NAA35: variants seen among roughly 807,000 people sequenced by gnomAD.
The protein encoded by NAA35 is MAK10 homolog, amino-acid N-acetyltransferase subunit.
A neutral mutation model predicts 101.7 loss-of-function variants in NAA35; 18 were observed. That is an observed-to-expected ratio of 0.18 (90% confidence interval 0.12 to 0.26). The LOEUF (loss-of-function observed/expected upper bound fraction) is 0.26, where lower values mean the gene tolerates loss of function less well. Among genes scored for constraint, NAA35 ranks in the 10% least tolerant of loss-of-function variants. The pLI is 1.00. For synonymous variants in NAA35, 267 were observed against 273.1 expected (o/e 0.98, Z 0.22); for missense variants, 601 against 886.8 (o/e 0.68, Z 4.09).
intron 21 of NAA35, 60 bp from the exon 22 acceptor site, chr9:86,020,822 CAAAAAAG>C: frequency 7.5e-7 from 1 of 1,335,978 alleles, no homozygotes; most frequent in South Asian, 1.3e-5. Flanking sequence ...CAGCAGGTCT[CAAAAAAG>C]AAAAAGAGAA....
intron 2 of NAA35, among the ~76,000 whole-genome samples, chr9:85,954,197 C>T (rs1451498662): frequency 5.3e-5 from 8 of 152,146 alleles, no homozygotes; most frequent in African/African-American, 1.9e-4. Context: ...CCTCCCACCT[C>T]AGCCTCCCCA....
At chr9:85,979,302 T>C (rs986667519) in intron 11 of NAA35, among the ~76,000 whole-genome samples, 11 of 152,172 alleles carry the variant, frequency 7.2e-5, no homozygotes, top group African/African-American at 1.2e-4. Flanking sequence ...TTTGTCCCAA[T>C]TGGCTAGCAA....
chr9:86,019,077 A>G (rs1458321277), intron 21 of NAA35, among the ~76,000 whole-genome samples: 1 of 152,204 alleles, frequency 6.6e-6, no homozygotes, highest in Non-Finnish European at 1.5e-5. Context: ...ACAACTCAAA[A>G]TCATAAAGAA....
intron 2 of NAA35, among the ~76,000 whole-genome samples, chr9:85,953,936 G>A (rs1055484208): frequency 1.3e-5 from 2 of 152,064 alleles, no homozygotes; most frequent in African/African-American, 2.4e-5. Context: ...GTCAATGGGC[G>A]CTTGGGTTGT....
At chr9:85,959,229 A>C (rs1442898069) in intron 4 of NAA35, among the ~76,000 whole-genome samples, 1 of 152,022 alleles carries the variant, frequency 6.6e-6, no homozygotes, top group Non-Finnish European at 1.5e-5. Context: ...ACAAAAAATT[A>C]GCTGGGCGTG....
At chr9:85,957,063 G>A (rs1193593484) in intron 3 of NAA35, among the ~76,000 whole-genome samples, 2 of 152,146 alleles carry the variant, frequency 1.3e-5, no homozygotes, top group African/African-American at 4.8e-5. Flanking sequence ...GGATTGGGGT[G>A]CCGACCCACC....
At chr9:85,951,147 A>C (rs1297848874) in intron 2 of NAA35, among the ~76,000 whole-genome samples, 1 of 152,160 alleles carries the variant, frequency 6.6e-6, no homozygotes, top group Non-Finnish European at 1.5e-5. Flanking sequence ...CAAAAAAAAA[A>C]AAAAATGATA....
chr9:86,018,853 A>G (rs927246183), intron 21 of NAA35, 32 bp downstream of exon 21: 3 of 1,605,972 alleles, frequency 1.9e-6, no homozygotes, highest in African/African-American at 2.7e-5. Flanking sequence ...TTCTAGGGGA[A>G]AAGCGTGGCA....
chr9:85,962,490 CAAAAA>C (rs781302881), intron 6 of NAA35, among the ~76,000 whole-genome samples: 2 of 85,944 alleles, frequency 2.3e-5, no homozygotes, highest in Non-Finnish European at 4.2e-5. Context: ...GACTCTGTCT[CAAAAA>C]AAAAAAAAAA....
chr9:85,985,394 A>G (rs1830604780), intron 11 of NAA35, among the ~76,000 whole-genome samples: 1 of 152,242 alleles, frequency 6.6e-6, no homozygotes, highest in South Asian at 2.1e-4. Flanking sequence ...ATAAAATGGT[A>G]TATCCATGTA....
Position 85,958,456 on chromosome 9 carries a change from A to AT in NAA35, c.159-9dup. ...GGCTCAAAAACAATTTGTTGGCTCAATTTTTTTATTTGCAGATTTGGTCTT... is the reference window on the plus strand; with the variant it reads ...GGCTCAAAAACAATTTGTTGGCTCAATTTTTTTTATTTGCAGATTTGGTCTT... On this transcript the variant is annotated splice_polypyrimidine_tract_variant and intron_variant, in intron 3 of 22. Transcript: ENST00000361671. 6.4e-7 allele frequency: 1 copy of AT among 1,556,500 alleles called. No homozygotes were observed. The highest frequency in any genetic ancestry group is 8.8e-7 in the Non-Finnish European group (1 of 1,136,778).
chr9:85,980,261 T>C (rs757217051), intron 11 of NAA35, among the ~76,000 whole-genome samples: 1 of 152,138 alleles, frequency 6.6e-6, no homozygotes, highest in Non-Finnish European at 1.5e-5. Context: ...CCTGAATTTT[T>C]ACAGAAGTTT....
intron 17 of NAA35, among the ~76,000 whole-genome samples, chr9:86,014,974 C>T (rs770853330): frequency 5.3e-5 from 8 of 151,914 alleles, no homozygotes; most frequent in Non-Finnish European, 1.0e-4. Context: ...CCATGTTGCC[C>T]GGGTTGGTCC....
At chr9:85,964,379 G>A (rs1311392080) in intron 6 of NAA35, among the ~76,000 whole-genome samples, 1 of 152,106 alleles carries the variant, frequency 6.6e-6, no homozygotes, top group Non-Finnish European at 1.5e-5. Flanking sequence ...TGACACTTTA[G>A]TGTGTTTCTT....
At chr9:86,009,003 G>T (rs951538467) in intron 14 of NAA35, among the ~76,000 whole-genome samples, 1 of 152,046 alleles carries the variant, frequency 6.6e-6, no homozygotes, top group African/African-American at 2.4e-5. Context: ...GCATACTAGG[G>T]TCTTCTAGAG....
At chr9:85,951,614 T>C (rs1052027226) in intron 2 of NAA35, among the ~76,000 whole-genome samples, 2 of 152,218 alleles carry the variant, frequency 1.3e-5, no homozygotes, top group Admixed American at 1.3e-4. Context: ...TTGGAAAATA[T>C]TGTTTTCCAA....
At chr9:86,006,095 A>G (rs1026674221) in intron 13 of NAA35, among the ~76,000 whole-genome samples, 7 of 151,922 alleles carry the variant, frequency 4.6e-5, no homozygotes, top group Admixed American at 2.0e-4. Flanking sequence ...GCTTGAAGCT[A>G]GGAGGCAGAG....
chr9:85,950,636 C>T (rs1327159564), intron 2 of NAA35, among the ~76,000 whole-genome samples: 2 of 152,142 alleles, frequency 1.3e-5, no homozygotes, highest in African/African-American at 4.8e-5. Context: ...TGACTTGCTT[C>T]TAGATCTGTG....
At chr9:85,957,013 C>T (rs1829306583) in intron 3 of NAA35, among the ~76,000 whole-genome samples, 1 of 152,102 alleles carries the variant, frequency 6.6e-6, no homozygotes, top group Non-Finnish European at 1.5e-5. Flanking sequence ...TAAAACAAAC[C>T]ACCCTCTTGG....
Sources: allele counts gnomAD v4.1 joint callset (sites outside exome capture counted in the v4.1 genomes callset), GRCh38; gene constraint gnomAD v4.1.1; transcripts MANE v1.5; gene names NCBI Gene and HGNC (gene_info 2026-07-23, HGNC 2026-07-21).